CFAP299: variants seen among roughly 807,000 people sequenced by gnomAD.
CFAP299 encodes the protein cilia and flagella associated protein 299.
CFAP299 carries 21 observed loss-of-function variants against 27.0 expected under a neutral mutation model. The ratio of observed to expected loss-of-function variants is 0.78; its 90% CI spans 0.55 to 1.12. The LOEUF (loss-of-function observed/expected upper bound fraction) is 1.12, where lower values mean the gene tolerates loss of function less well. CFAP299 is among the 50% of genes most tolerant of loss of function. The probability of loss-of-function intolerance (pLI) is 0.00; values close to 1 mark genes in which losing one functional copy is unlikely to be tolerated. For synonymous variants in CFAP299, 104 were observed against 98.1 expected, an observed-to-expected ratio of 1.06 and a Z score of -0.36; for missense variants, 310 against 276.6, an observed-to-expected ratio of 1.12 and a Z score of -0.86.
At chr4:80,575,456 G>C (rs1346085978) in intron 2 of CFAP299, among the ~76,000 whole-genome samples, 7 of 151,718 alleles carry the variant, frequency 4.6e-5, no homozygotes, top group Admixed American at 4.6e-4. Flanking sequence ...CTCCCAGGTA[G>C]CTGGGACTAC....
intron 3 of CFAP299, among the ~76,000 whole-genome samples, chr4:80,813,851 A>G (rs1312800135): frequency 2.6e-5 from 4 of 152,046 alleles, no homozygotes; most frequent in Non-Finnish European, 5.9e-5. Flanking sequence ...AGAAAAGGAA[A>G]AAAACAAAAG....
intron 4 of CFAP299, among the ~76,000 whole-genome samples, chr4:80,918,844 A>T (rs1318698631): frequency 6.6e-6 from 1 of 152,096 alleles, no homozygotes; most frequent in Admixed American, 6.6e-5. Flanking sequence ...CAGCTGCTGC[A>T]TCAGAAGTTC....
chr4:80,690,043 C>G lies in CFAP299; in HGVS notation c.333+106860C>G, dbSNP rs990639763. ...CACAGGAGCACCCAGATTCATAAAG[C>G]AAGTCCTGAGTGACCTACAAAGAGA... On this transcript the variant is annotated intron_variant, in intron 3 of 5. Transcript: ENST00000358105. Among the ~76,000 whole-genome samples, 8 of 149,154 alleles carry G rather than the reference C, an allele frequency of 5.4e-5. 1 individual carries two copies. The East Asian group carries it at 7.7e-4, about 14-fold the overall frequency.
At chr4:80,682,385 G>A (rs989444876) in intron 3 of CFAP299, among the ~76,000 whole-genome samples, 5 of 151,940 alleles carry the variant, frequency 3.3e-5, no homozygotes, top group African/African-American at 1.2e-4. Flanking sequence ...TCTTGTTTGG[G>A]GGAAAGGGAA....
At chr4:80,729,773 T>A (rs1723393881) in intron 3 of CFAP299, among the ~76,000 whole-genome samples, 3 of 151,794 alleles carry the variant, frequency 2.0e-5, no homozygotes, top group Non-Finnish European at 4.4e-5. Flanking sequence ...CTAATTTTTT[T>A]TTGTATTTTT....
At chr4:80,518,471 G>T (rs772915414) in intron 2 of CFAP299, among the ~76,000 whole-genome samples, 2 of 152,166 alleles carry the variant, frequency 1.3e-5, no homozygotes, top group Non-Finnish European at 2.9e-5. Flanking sequence ...CCGTACAGGA[G>T]AACCAAGCTT....
chr4:80,395,936 G>T (rs1725758137), intron 2 of CFAP299, among the ~76,000 whole-genome samples: 1 of 151,950 alleles, frequency 6.6e-6, no homozygotes, highest in Admixed American at 6.6e-5. Flanking sequence ...CTAAAAAAAG[G>T]TTTATTTTCT....
chr4:80,715,938 C>T (rs1578052020), intron 3 of CFAP299, among the ~76,000 whole-genome samples: 4 of 152,014 alleles, frequency 2.6e-5, no homozygotes, highest in Admixed American at 2.6e-4. Context: ...TTAAGAATAA[C>T]CATGGAAAAG....
chr4:80,444,611 A>G (rs1728524747), intron 2 of CFAP299, among the ~76,000 whole-genome samples: 1 of 152,232 alleles, frequency 6.6e-6, no homozygotes, highest in Non-Finnish European at 1.5e-5. Context: ...TTCAGGACTT[A>G]GGCATGGGCA....
intron 4 of CFAP299, among the ~76,000 whole-genome samples, chr4:80,910,760 A>G (rs1050169973): frequency 2.6e-5 from 4 of 151,976 alleles, no homozygotes; most frequent in African/African-American, 9.7e-5. Flanking sequence ...CTCCCGTGAC[A>G]TTTACCTATA....
intron 3 of CFAP299, among the ~76,000 whole-genome samples, chr4:80,854,596 A>C (rs988175262): frequency 1.3e-5 from 2 of 152,038 alleles, no homozygotes; most frequent in Non-Finnish European, 2.9e-5. Flanking sequence ...CAGATGGATC[A>C]GCACATCTGA....
intron 2 of CFAP299, among the ~76,000 whole-genome samples, chr4:80,447,147 T>G (rs1472428195): frequency 7.3e-6 from 1 of 137,810 alleles, no homozygotes; most frequent in East Asian, 2.1e-4. Flanking sequence ...TTTTTTTTTT[T>G]TTTTTTGAGA....
chr4:80,858,772 G>C (rs900833589), intron 3 of CFAP299, among the ~76,000 whole-genome samples: 6 of 152,188 alleles, frequency 3.9e-5, no homozygotes, highest in African/African-American at 1.2e-4. Flanking sequence ...TGGTCTGAGA[G>C]ATAGTTTGTT....
chr4:80,823,129 A>G (rs1458645677), intron 3 of CFAP299, among the ~76,000 whole-genome samples: 1 of 152,140 alleles, frequency 6.6e-6, no homozygotes, highest in Non-Finnish European at 1.5e-5. Context: ...AGCACCTCCT[A>G]TCTTGCCCTA....
chr4:80,797,982 T>C (rs1252167275), intron 3 of CFAP299, among the ~76,000 whole-genome samples: 7 of 152,166 alleles, frequency 4.6e-5, no homozygotes, highest in Non-Finnish European at 7.4e-5. Flanking sequence ...GCAGAGTCCC[T>C]ACTTACTGGG....
chr4:80,687,256 A>C (rs1417543951), intron 3 of CFAP299, among the ~76,000 whole-genome samples: 1 of 151,494 alleles, frequency 6.6e-6, no homozygotes, highest in Admixed American at 6.6e-5. Context: ...CATATTTCAC[A>C]CTCCCGTGTC....
At chr4:80,354,451 C>A (rs1723161342) in intron 1 of CFAP299, among the ~76,000 whole-genome samples, 1 of 152,088 alleles carries the variant, frequency 6.6e-6, no homozygotes. Flanking sequence ...AATCTGCAAA[C>A]TTTTCAATGA....
intron 3 of CFAP299, among the ~76,000 whole-genome samples, chr4:80,720,031 C>T (rs990580303): frequency 6.6e-6 from 1 of 152,072 alleles, no homozygotes; most frequent in Non-Finnish European, 1.5e-5. Flanking sequence ...ACTATGTCTC[C>T]AGGATGCAGT....
intron 3 of CFAP299, among the ~76,000 whole-genome samples, chr4:80,709,475 A>C (rs1176653723): frequency 6.6e-6 from 1 of 152,154 alleles, no homozygotes; most frequent in Non-Finnish European, 1.5e-5. Flanking sequence ...TAAGAACTTT[A>C]TTGAGCACGT....
Sources: allele counts gnomAD v4.1 joint callset (sites outside exome capture counted in the v4.1 genomes callset), GRCh38; gene constraint gnomAD v4.1.1; transcripts MANE v1.5; gene names NCBI Gene and HGNC (gene_info 2026-07-23, HGNC 2026-07-21).